Variants in UGT2B4 observed in about 807,000 individuals in gnomAD.
UGT2B4 encodes the protein UDP-glucuronosyltransferase 2B4.
UGT2B4 carries 49 observed loss-of-function variants against 49.8 expected under a neutral mutation model. That is an observed-to-expected ratio of 0.98 (90% CI 0.78 to 1.25). UGT2B4 has a LOEUF of 1.25. UGT2B4 is among the 50% of genes most tolerant of loss of function. UGT2B4 has a pLI of 0.00. For synonymous variants in UGT2B4, 246 were observed against 217.7 expected, an observed-to-expected ratio of 1.13 and a Z score of -1.14; for missense variants, 729 against 627.7, an observed-to-expected ratio of 1.16 and a Z score of -1.73.
At chr4:69,482,753 C>A (rs542256195) in intron 5 of UGT2B4, among the ~76,000 whole-genome samples, 1 of 151,776 alleles carries the variant, frequency 6.6e-6, no homozygotes, top group African/African-American at 2.4e-5. Flanking sequence ...ATTACAGGTG[C>A]GCACCACCAT....
chr4:69,523,997 AT>A (rs1728905120), intron 1 of UGT2B4, among the ~76,000 whole-genome samples: 1 of 152,046 alleles, frequency 6.6e-6, no homozygotes, highest in Non-Finnish European at 1.5e-5. Context: ...TCCTCAACAT[AT>A]TTCAGGCTTC....
At chr4:69,498,123 T>C (rs1459794141), upstream of UGT2B4, among the ~76,000 whole-genome samples, 1 of 152,232 alleles carries the variant, frequency 6.6e-6, no homozygotes, top group Admixed American at 6.5e-5. Flanking sequence ...ACAGAATTAA[T>C]AGACTGCAGC....
At chr4:69,511,236 C>A (rs1486817110) in intron 1 of UGT2B4, among the ~76,000 whole-genome samples, 2 of 152,034 alleles carry the variant, frequency 1.3e-5, no homozygotes, top group Non-Finnish European at 2.9e-5. Context: ...GTGATCCACC[C>A]GTCTAGGCTT....
intron 1 of UGT2B4, among the ~76,000 whole-genome samples, chr4:69,516,242 C>T (rs1728730340): frequency 6.6e-6 from 1 of 152,174 alleles, no homozygotes. Context: ...GGCAGCCTAT[C>T]ATTGATGAAC....
At chr4:69,500,140 C>T (rs1413891972), upstream of UGT2B4, among the ~76,000 whole-genome samples, 1 of 152,144 alleles carries the variant, frequency 6.6e-6, no homozygotes, top group Non-Finnish European at 1.5e-5. Context: ...CAAACTAACA[C>T]AGAATCAGAC....
intron 1 of UGT2B4, among the ~76,000 whole-genome samples, chr4:69,505,780 G>A (rs537407657): frequency 6.6e-6 from 1 of 152,200 alleles, no homozygotes; most frequent in South Asian, 2.1e-4. Context: ...ATTGCCACAG[G>A]ACACTTTCTC....
At chr4:69,523,009 G>A (rs1258748634) in intron 1 of UGT2B4, among the ~76,000 whole-genome samples, 1 of 152,156 alleles carries the variant, frequency 6.6e-6, no homozygotes, top group East Asian at 1.9e-4. Context: ...TCATGAGATT[G>A]CAACAATTCA....
rs776790514 is a variant in UGT2B4, at chr4:69,495,623, G to T, written c.239C>A (p.Ser80Tyr). 5.0e-6 allele frequency: 8 copies of T among 1,613,824 alleles called. No individual in the cohort carries two copies. The highest frequency in any genetic ancestry group is 2.7e-5 in the African/African-American group (2 of 74,902). Residue 80 changes from serine to tyrosine, a missense_variant, in exon 1 of 6, where the codon TCT becomes TAT. Physicochemically the swap from Ser to Tyr is moderately radical, Grantham distance 144. Coordinates refer to ENST00000305107, the MANE Select transcript of UGT2B4 (RefSeq NM_021139.3). ...STLKFEVYPV[S>Y]LTKTEFEDII... ...ATCCTCAAACTCAGTTTTAGTTAAA[G>T]ATACAGGATAAACTTCAAATTTAAG...
intron 5 of UGT2B4, among the ~76,000 whole-genome samples, chr4:69,483,703 T>C (rs981631803): frequency 6.6e-6 from 1 of 152,086 alleles, no homozygotes; most frequent in African/African-American, 2.4e-5. Context: ...AAAACATTAT[T>C]AATAGTAGTT....
chr4:69,505,809 C>G (rs963035758), intron 1 of UGT2B4, among the ~76,000 whole-genome samples: 4 of 152,228 alleles, frequency 2.6e-5, no homozygotes, highest in African/African-American at 9.6e-5. Context: ...ATTACATAAT[C>G]AGAAGTGAAA....
At chr4:69,502,109 CT>C (rs756585658) in intron 1 of UGT2B4, among the ~76,000 whole-genome samples, 6 of 113,088 alleles carry the variant, frequency 5.3e-5, no homozygotes, top group African/African-American at 2.2e-4. Context: ...TTCTTTCTTT[CT>C]TTCTTTCTTT....
rs112496072 is a variant in UGT2B4 at position 69,523,799 on chromosome 4, C to T, written c.-106+1888G>A. On this transcript the variant is annotated intron_variant, in intron 1 of 1. Coordinates refer to the UGT2B4 transcript ENST00000510114. ...TTTCAATAAAGGGCAATTTTGTCTACGTTGAAAATCTGTGGTTTGGTGTGT... is the reference window on the plus strand; with the variant it reads ...TTTCAATAAAGGGCAATTTTGTCTATGTTGAAAATCTGTGGTTTGGTGTGT... Among the ~76,000 whole-genome samples, 1,286 of 152,216 alleles carry T rather than the reference C, an allele frequency of 8.4e-3. 16 individuals carry two copies. The highest frequency in any genetic ancestry group is 0.027 in the African/African-American group (1,131 of 41,572).
chr4:69,500,886 G>A (rs375664800), upstream of UGT2B4, among the ~76,000 whole-genome samples: 1 of 152,168 alleles, frequency 6.6e-6, no homozygotes, highest in African/African-American at 2.4e-5. Context: ...TGGAGTTTAG[G>A]CAGAGCAGCA....
At chr4:69,493,670 C>G in intron 2 of UGT2B4, 23 bp downstream of exon 2, 1 of 1,589,086 alleles carries the variant, frequency 6.3e-7, no homozygotes, top group South Asian at 1.2e-5. Context: ...TCAAAGCAGA[C>G]AAAACAAACA....
intron 1 of UGT2B4, among the ~76,000 whole-genome samples, chr4:69,517,135 G>A (rs1431813709): frequency 6.6e-6 from 1 of 152,034 alleles, no homozygotes; most frequent in African/African-American, 2.4e-5. Flanking sequence ...GAAGAAAAAT[G>A]TGTACATCAG....
intron 1 of UGT2B4, among the ~76,000 whole-genome samples, chr4:69,520,379 A>G (rs1209725298): frequency 1.3e-5 from 2 of 152,240 alleles, no homozygotes; most frequent in Non-Finnish European, 2.9e-5. Context: ...ACTCAGTAGG[A>G]AACAGGAACA....
At chr4:69,491,830 T>C (rs1404123950) in intron 2 of UGT2B4, among the ~76,000 whole-genome samples, 1 of 152,062 alleles carries the variant, frequency 6.6e-6, no homozygotes, top group Non-Finnish European at 1.5e-5. Context: ...TCAGCTTTTG[T>C]CTCTTTAGAA....
intron 1 of UGT2B4, among the ~76,000 whole-genome samples, chr4:69,520,881 TA>T (rs781433874): frequency 1.3e-5 from 2 of 152,130 alleles, no homozygotes; most frequent in Non-Finnish European, 2.9e-5. Flanking sequence ...ATCTTCAAGC[TA>T]GGGGCACCCT....
At chr4:69,500,606 G>GCAAGAAAGA (rs1553896493), upstream of UGT2B4, among the ~76,000 whole-genome samples, 35 of 99,598 alleles carry the variant, frequency 3.5e-4, 1 homozygote, top group Admixed American at 1.8e-3. Flanking sequence ...AGAAAGCAAG[G>GCAAGAAAGA]AAGAAAGAAA....
Sources: gnomAD v4.1 joint callset for allele counts (sites outside exome capture counted in the v4.1 genomes callset) on GRCh38, gnomAD v4.1.1 for gene constraint, MANE v1.5 for transcripts, NCBI Gene and HGNC (gene_info 2026-07-23, HGNC 2026-07-21) for gene names.